The following CLN6 variants were observed in gnomAD, a reference collection of about 807,000 sequenced individuals.
CLN6 encodes the protein CLN6 transmembrane ER protein.
CLN6 carries 22 observed loss-of-function variants against 33.3 expected under a neutral mutation model. The ratio of observed to expected loss-of-function variants is 0.66; its 90% confidence interval spans 0.47 to 0.94. The LOEUF (loss-of-function observed/expected upper bound fraction) is 0.94, where lower values mean the gene tolerates loss of function less well. CLN6 is among the 40% of genes least tolerant of loss of function. CLN6 has a pLI of 0.00. For synonymous variants in CLN6, 201 were observed against 174.6 expected (o/e 1.15, Z -1.19); for missense variants, 387 against 417.1 (o/e 0.93, Z 0.63).
intron 1 of CLN6, among the ~76,000 whole-genome samples, chr15:68,245,031 A>AT (rs1244405730): frequency 1.8e-5 from 2 of 113,276 alleles, no homozygotes; most frequent in African/African-American, 7.3e-5. Flanking sequence ...CAAGACTCTG[A>AT]CAAAAAAAAA....
upstream of CLN6, among the ~76,000 whole-genome samples, chr15:68,231,620 A>G (rs2093268805): frequency 6.6e-6 from 1 of 152,252 alleles, no homozygotes; most frequent in Non-Finnish European, 1.5e-5. Context: ...CATCGATTTA[A>G]TAACACTCAG....
chr15:68,244,796 T>C (rs1892313479), intron 1 of CLN6, among the ~76,000 whole-genome samples: 2 of 151,994 alleles, frequency 1.3e-5, no homozygotes, highest in South Asian at 4.1e-4. Context: ...GGCACAGTGG[T>C]TCATGCCAGC....
intron 1 of CLN6, among the ~76,000 whole-genome samples, chr15:68,252,346 C>T (rs940375354): frequency 1.3e-4 from 19 of 151,876 alleles, no homozygotes; most frequent in African/African-American, 4.4e-4. Flanking sequence ...AGGCACTTTA[C>T]CAAAAAAGGA....
chr15:68,214,630 G>A, intron 2 of CLN6: 1 of 494,470 alleles, frequency 2.0e-6, no homozygotes. Flanking sequence ...CAGAGCAGAT[G>A]CAATTCCAGT....
upstream of CLN6, among the ~76,000 whole-genome samples, chr15:68,233,400 C>G (rs1567102877): frequency 2.0e-5 from 3 of 152,312 alleles, no homozygotes; most frequent in Non-Finnish European, 2.9e-5. This position sits in a 1 kb window ranked among gnomAD's most constrained non-coding sequence, Gnocchi z 4.3. Flanking sequence ...AAGTCACCTC[C>G]AAAGGGCTCC....
At chr15:68,233,684 AG>A (rs1421574431), upstream of CLN6, among the ~76,000 whole-genome samples, 1 of 152,214 alleles carries the variant, frequency 6.6e-6, no homozygotes, top group Non-Finnish European at 1.5e-5. The surrounding 1 kb of genome is among the most constrained non-coding windows in gnomAD (Gnocchi z 4.3). Context: ...CTGGATCCAG[AG>A]GCTGGGACTC....
rs1273561397 is a variant in CLN6 at position 68,219,801 on chromosome 15, A to G, written c.84-1151T>C. On this transcript the variant is annotated intron_variant, in intron 1 of 6. Transcript: ENST00000249806. This position sits in a 1 kb window ranked among gnomAD's most constrained non-coding sequence, Gnocchi z 4.2. ...AATTACTTGCACACCTCCAGGGACA[A>G]GCAGCCAGCCACATCCTAAGAGGAC... Among the ~76,000 whole-genome samples the G allele has an allele frequency of 6.6e-6, 1 of 152,200 alleles. No homozygotes were observed. Among genetic ancestry groups the G allele is most frequent in the Admixed American group, 6.5e-5 (1 of 15,282 alleles).
intron 2 of CLN6, among the ~76,000 whole-genome samples, chr15:68,216,535 G>A (rs939068807): frequency 7.9e-5 from 12 of 152,172 alleles, no homozygotes; most frequent in Admixed American, 7.9e-4. Context: ...TTGATCCCAG[G>A]TAGACAAGCT....
Position 68,254,809 on chromosome 15 carries a change from G to C in CLN6, c.179+1881C>G, listed in dbSNP as rs1029626667. On this transcript the variant is annotated intron_variant, in intron 1 of 6. Coordinates refer to the CLN6 transcript ENST00000538696. ...AGGTACCAAAAGGGAAAAGGGAAAA[G>C]CTGAAGCTGGCAAGGAGGGGAATAA... 8 of 1,078,048 alleles carry C rather than the reference G, an allele frequency of 7.4e-6. No homozygotes were observed. In the African/African-American group the frequency reaches 1.1e-4, roughly 15 times the overall value. 66.8% of individuals were successfully genotyped at this position (1,078,048 alleles called of 1,614,324 possible).
At chr15:68,231,229 G>T (rs566163849), upstream of CLN6, among the ~76,000 whole-genome samples, 21 of 152,178 alleles carry the variant, frequency 1.4e-4, no homozygotes, top group East Asian at 3.9e-3. Context: ...CCCATCCTGG[G>T]CTCTAGCAGC....
chr15:68,233,087 A>G (rs2093270506), upstream of CLN6, among the ~76,000 whole-genome samples: 2 of 152,130 alleles, frequency 1.3e-5, no homozygotes, highest in African/African-American at 4.8e-5. This position sits in a 1 kb window ranked among gnomAD's most constrained non-coding sequence, Gnocchi z 4.3. Context: ...AAGGTCTAGC[A>G]TCCTTCCAGA....
rs368683378 is a variant in CLN6 at position 68,236,362 on chromosome 15, C to T, written c.180-17712G>A. ...CAACAAGTGAGAACAACTCCAAAAT[C>T]CATCAACTTGTAAATAAATAAATTA... On this transcript the variant is annotated intron_variant, in intron 1 of 6. Transcript: ENST00000538696. This position sits in a 1 kb window ranked among gnomAD's most constrained non-coding sequence, Gnocchi z 4.5. 1.2e-4 allele frequency among the ~76,000 whole-genome samples: 18 copies of T among 152,298 alleles called. No homozygotes were observed. The East Asian group carries it at 2.9e-3, about 24-fold the overall frequency.
In CLN6 at chr15:68,209,574, G is replaced by A. The variant is rs1397349359; in HGVS notation, c.665+63C>T. The A allele has an allele frequency of 1.2e-6, 2 of 1,603,508 alleles. No homozygotes were observed. Among genetic ancestry groups the A allele is most frequent in the Non-Finnish European group, 1.7e-6 (2 of 1,177,662 alleles). On this transcript the variant is annotated intron_variant, in intron 6 of 6. Coordinates refer to ENST00000249806, the MANE Select transcript of CLN6 (RefSeq NM_017882.3). The surrounding 1 kb of genome is among the most constrained non-coding windows in gnomAD (Gnocchi z 4.9). ...CACAGCAGGTCCATTGGCAAGTGCA[G>A]AATTTTGCTGCCGTGGCTCTCTCAG...
chr15:68,211,862 A>G lies in CLN6; in HGVS notation c.299T>C (p.Leu100Pro). 6.2e-7 allele frequency: 1 copy of G among 1,613,350 alleles called. No homozygotes were observed. Among genetic ancestry groups the G allele is most frequent in the Non-Finnish European group, 8.5e-7 (1 of 1,179,924 alleles). The stretch of plus-strand genomic sequence containing the variant: ...CAGGGTGCGGGGGGACCGCTCGATG[A>G]GCTGGGGTTCAGAGTGGGGTTGGCA... ...NVITPFLLLK[L>P]IERSPRTLPR... Residue 100 changes from leucine (L) to proline (P), a missense_variant and splice_region_variant, in exon 4 of 7, where the codon CTC (leucine) becomes CCC (proline). Leu to Pro is a moderately conservative substitution (Grantham distance 98, BLOSUM62 -3). Coordinates refer to ENST00000249806, the MANE Select transcript of CLN6 (RefSeq NM_017882.3). This position sits in a 1 kb window ranked among gnomAD's most constrained non-coding sequence, Gnocchi z 5.9.
At position 68,211,827 on chromosome 15, in the gene CLN6, T is replaced by C. The variant is rs2093206495; in HGVS notation, c.334A>G (p.Ile112Val). The change falls in exon 4 of 7, where the codon ATC becomes GTC. Residue 112 changes from isoleucine to valine, a missense_variant. By Grantham distance (29) the Ile-to-Val change is conservative (BLOSUM62 3). Coordinates refer to ENST00000249806, the MANE Select transcript of CLN6 (RefSeq NM_017882.3). This position sits in a 1 kb window ranked among gnomAD's most constrained non-coding sequence, Gnocchi z 5.9. Reference protein sequence around the residue: ...ERSPRTLPRSITYVSIIIFIM... With the variant: ...ERSPRTLPRSVTYVSIIIFIM... ...AAGATGATGATGCTCACGTACGTGA[T>C]GGAGCGTGGCAGGGTGCGGGGGGAC... The C allele has an allele frequency of 1.2e-6, 2 of 1,613,832 alleles. No individual in the cohort carries two copies. Among genetic ancestry groups the C allele is most frequent in the South Asian group, 1.1e-5 (1 of 91,080 alleles).
At chr15:68,218,138 C>T (rs569675776) in intron 2 of CLN6, 2 of 243,720 alleles carry the variant, frequency 8.2e-6, no homozygotes, top group South Asian at 5.6e-5. Flanking sequence ...TAATACTATC[C>T]CAAGGTAATG....
chr15:68,255,569 T>C (rs1892425764), intron 1 of CLN6, among the ~76,000 whole-genome samples: 2 of 152,240 alleles, frequency 1.3e-5, no homozygotes, highest in Non-Finnish European at 2.9e-5. Context: ...TTGGGTTTTA[T>C]AGTGGCTTTC....
Position 68,229,475 on chromosome 15 carries a change from C to T in CLN6, c.83+27G>A, listed in dbSNP as rs768341543. 5 of 1,451,404 alleles carry T rather than the reference C, an allele frequency of 3.4e-6. No individual in the cohort carries two copies. The East Asian group carries it at 1.2e-4, about 36-fold the overall frequency. 89.9% of individuals were successfully genotyped at this position (1,451,404 alleles called of 1,614,324 possible). A position where few individuals can be genotyped will look rare whatever the true frequency, so the allele number is the denominator to read the frequency against. ...GGCCCCAGCGCACAGGCGCCTAGCC[C>T]GCCCTCTCACCCCGGCGCGCGCCCA... On this transcript the variant is annotated intron_variant, in intron 1 of 6. Coordinates refer to ENST00000249806, the MANE Select transcript of CLN6 (RefSeq NM_017882.3).
intron 3 of CLN6, 154 bp downstream of exon 3, chr15:68,214,136 C>T (rs1287029730): frequency 3.0e-6 from 2 of 656,248 alleles, no homozygotes; most frequent in Admixed American, 2.4e-5. Context: ...TTCCCCGGGC[C>T]CCAGGCCCTG....
Sources: allele counts gnomAD v4.1 joint callset (sites outside exome capture counted in the v4.1 genomes callset), GRCh38; gene constraint gnomAD v4.1.1; non-coding constraint Gnocchi (gnomAD v3.1); transcripts MANE v1.5; gene names NCBI Gene and HGNC (gene_info 2026-07-23, HGNC 2026-07-21).